UBOX5: variants seen among roughly 807,000 people sequenced by gnomAD.
UBOX5 encodes RING finger protein 37.
A neutral mutation model predicts 39.0 loss-of-function variants in UBOX5; 28 were observed. The ratio of observed to expected loss-of-function variants is 0.72; its 90% CI spans 0.53 to 0.98. UBOX5 has a LOEUF of 0.98. UBOX5 is among the 50% of genes least tolerant of loss of function. The probability of loss-of-function intolerance (pLI) is 0.00; values close to 1 mark genes in which losing one functional copy is unlikely to be tolerated. For missense variants in UBOX5, 585 were observed against 674.4 expected (o/e 0.87, Z 1.47); for synonymous variants, 283 against 275.5 (o/e 1.03, Z -0.27).
chr20:3,150,126 T>C (rs777998927), intron 1 of UBOX5, among the ~76,000 whole-genome samples: 69 of 152,350 alleles, frequency 4.5e-4, no homozygotes, highest in Admixed American at 8.5e-4. Flanking sequence ...GCTGTTCTTT[T>C]ACTTTTTAGA....
intron 1 of UBOX5, chr20:3,147,070 G>T (rs751431569): frequency 6.2e-7 from 1 of 1,614,160 alleles, no homozygotes; most frequent in Non-Finnish European, 8.5e-7. Context: ...TGCAAAGGAA[G>T]CCCCCCAGAG....
chr20:3,130,794 T>TA (rs1332088485), intron 1 of UBOX5, among the ~76,000 whole-genome samples: 2 of 151,754 alleles, frequency 1.3e-5, no homozygotes, highest in Admixed American at 6.6e-5. Flanking sequence ...TTTTTTTTTT[T>TA]ACAATCCTAT....
intron 1 of UBOX5, chr20:3,148,642 T>A (rs1183446697): frequency 1.2e-6 from 2 of 1,614,114 alleles, no homozygotes; most frequent in African/African-American, 2.7e-5. Context: ...TTAGTTCACC[T>A]TCTGAAACAG....
chr20:3,141,066 G>A (rs1231074560), intron 1 of UBOX5, among the ~76,000 whole-genome samples: 4 of 151,390 alleles, frequency 2.6e-5, no homozygotes, highest in Admixed American at 6.6e-5. Flanking sequence ...TTACAGACAC[G>A]TGCCATCATG....
chr20:3,158,955 C>A (rs528227204), intron 1 of UBOX5, among the ~76,000 whole-genome samples: 1 of 152,162 alleles, frequency 6.6e-6, no homozygotes, highest in Non-Finnish European at 1.5e-5. Flanking sequence ...AAACGCCAGC[C>A]ACAGTTGGTG....
chr20:3,148,386 CAT>C, intron 1 of UBOX5: 1 of 1,614,192 alleles, frequency 6.2e-7, no homozygotes, highest in African/African-American at 1.3e-5. Flanking sequence ...CACTTGGTCT[CAT>C]ACACATCTAG....
intron 3 of UBOX5, 143 bp from the exon 4 acceptor site, chr20:3,115,609 G>A (rs942855345): frequency 1.4e-5 from 13 of 946,056 alleles, no homozygotes; most frequent in Non-Finnish European, 1.8e-5. Context: ...TCTACTGGCG[G>A]ACCATGACAG....
chr20:3,143,149 C>T (rs1386656246), intron 1 of UBOX5, among the ~76,000 whole-genome samples: 1 of 138,138 alleles, frequency 7.2e-6, no homozygotes, highest in Non-Finnish European at 1.5e-5. Flanking sequence ...GCTCTGTTAC[C>T]CAGGCTGGAG....
intron 1 of UBOX5, among the ~76,000 whole-genome samples, chr20:3,145,160 CT>C (rs879764164): frequency 2.0e-3 from 285 of 143,260 alleles, no homozygotes; most frequent in African/African-American, 1.9e-3. Flanking sequence ...CTTTGAGAGC[CT>C]TTTTTTTTTT....
intron 1 of UBOX5, among the ~76,000 whole-genome samples, chr20:3,159,541 C>A (rs569774340): frequency 6.6e-6 from 1 of 152,232 alleles, no homozygotes; most frequent in Non-Finnish European, 1.5e-5. Context: ...TCAGATAAGC[C>A]CCCTGCCAAA....
At chr20:3,151,552 C>G (rs1287055129) in intron 1 of UBOX5, among the ~76,000 whole-genome samples, 1 of 151,948 alleles carries the variant, frequency 6.6e-6, no homozygotes, top group African/African-American at 2.4e-5. Flanking sequence ...CTTTGGGAAG[C>G]TGAGGCAGAA....
intron 1 of UBOX5, among the ~76,000 whole-genome samples, chr20:3,126,487 C>A (rs2066389269): frequency 7.6e-6 from 1 of 130,836 alleles, no homozygotes; most frequent in African/African-American, 3.0e-5. Context: ...CTCCGAGAAA[C>A]ACCCAAGAAT....
chr20:3,145,068 A>C (rs2066548343), intron 1 of UBOX5, among the ~76,000 whole-genome samples: 1 of 152,224 alleles, frequency 6.6e-6, no homozygotes, highest in Admixed American at 6.5e-5. Flanking sequence ...ACAAACAACC[A>C]CATCTAAACA....
intron 3 of UBOX5, among the ~76,000 whole-genome samples, chr20:3,118,961 G>A (rs2066314265): frequency 6.6e-6 from 1 of 151,986 alleles, no homozygotes; most frequent in South Asian, 2.1e-4. Flanking sequence ...AGGAAGGAAG[G>A]AATTATTTAG....
At chr20:3,126,629 AG>A (rs2066391359) in intron 1 of UBOX5, among the ~76,000 whole-genome samples, 1 of 144,696 alleles carries the variant, frequency 6.9e-6, no homozygotes, top group Non-Finnish European at 1.5e-5. Flanking sequence ...GAGGGAGTGA[AG>A]GAGGAAGGGA....
chr20:3,144,257 C>T (rs2148615851), intron 1 of UBOX5, among the ~76,000 whole-genome samples: 1 of 152,268 alleles, frequency 6.6e-6, no homozygotes, highest in South Asian at 2.1e-4. Context: ...TTGGAGGACT[C>T]ATACTTCCCA....
At chr20:3,148,000 C>T in intron 1 of UBOX5, 1 of 1,614,170 alleles carries the variant, frequency 6.2e-7, no homozygotes, top group Non-Finnish European at 8.5e-7. Context: ...TAACAATATT[C>T]ACTAAGGAGC....
At chr20:3,154,321 A>G (rs1271782954) in intron 1 of UBOX5, among the ~76,000 whole-genome samples, 1 of 152,258 alleles carries the variant, frequency 6.6e-6, no homozygotes, top group Non-Finnish European at 1.5e-5. Flanking sequence ...ACAAAAAGCC[A>G]TGCTAATAAA....
At chr20:3,126,172 C>A (rs530999983) in intron 1 of UBOX5, among the ~76,000 whole-genome samples, 1,725 of 152,260 alleles carry the variant, frequency 0.011, 34 homozygotes, top group African/African-American at 0.039. Flanking sequence ...AAGAAAAATT[C>A]TTCTGCCTTG....
Sources: gnomAD v4.1 joint callset for allele counts (sites outside exome capture counted in the v4.1 genomes callset) on GRCh38, gnomAD v4.1.1 for gene constraint, MANE v1.5 for transcripts, NCBI Gene and HGNC (gene_info 2026-07-23, HGNC 2026-07-21) for gene names.